The following AMZ1 variants were observed in gnomAD, a reference collection of about 807,000 sequenced individuals.
AMZ1 encodes the protein archaemetzincin-1.
In AMZ1, 39 loss-of-function variants were observed where a neutral mutation model predicts 29.9. The observed-to-expected ratio is 1.30, with a 90% CI of 1.01 to 1.70. The LOEUF (loss-of-function observed/expected upper bound fraction) is 1.70. Ranked by LOEUF, AMZ1 falls within the 40% of genes most tolerant of loss-of-function variation. The probability of loss-of-function intolerance (pLI) is 0.00; values close to 1 mark genes in which losing one functional copy is unlikely to be tolerated. For missense variants in AMZ1, 1,041 were observed against 680.6 expected, an observed-to-expected ratio of 1.53 and a Z score of -5.89; for synonymous variants, 458 against 304.0, an observed-to-expected ratio of 1.51 and a Z score of -5.27.
At chr7:2,748,064 C>T (rs1409648781) in intron 4 of AMZ1, among the ~76,000 whole-genome samples, 5 of 150,344 alleles carry the variant, frequency 3.3e-5, no homozygotes, top group African/African-American at 9.8e-5. Context: ...GAATCGATAT[C>T]ATGAAAATGG....
At chr7:2,762,685 C>A, upstream of AMZ1, 1 of 1,584,990 alleles carries the variant, frequency 6.3e-7, no homozygotes, top group South Asian at 1.2e-5. Context: ...GGAAAGAAAC[C>A]ACGCTGCCCG....
chr7:2,742,597 C>A (rs149847001), intron 4 of AMZ1, among the ~76,000 whole-genome samples: 66 of 152,240 alleles, frequency 4.3e-4, no homozygotes, highest in African/African-American at 1.5e-3. Context: ...TGAGTCTCGC[C>A]GGCCCTTTGC....
chr7:2,753,830 T>C (rs536431971), intron 4 of AMZ1, among the ~76,000 whole-genome samples: 5 of 152,322 alleles, frequency 3.3e-5, no homozygotes, highest in African/African-American at 1.2e-4. Context: ...TGGGATATCT[T>C]TTTCTTCTGG....
intron 4 of AMZ1, among the ~76,000 whole-genome samples, chr7:2,727,017 AT>A (rs993151542): frequency 1.3e-5 from 2 of 152,210 alleles, no homozygotes; most frequent in African/African-American, 4.8e-5. Flanking sequence ...GTTTAGGTGT[AT>A]ATGCTGCCAT....
chr7:2,711,288 C>T (rs542696158), intron 6 of AMZ1, among the ~76,000 whole-genome samples: 1 of 152,246 alleles, frequency 6.6e-6, no homozygotes, highest in South Asian at 2.1e-4. Flanking sequence ...GAGAGCTGAC[C>T]AAGGGCCTGG....
rs113789693 is a variant in AMZ1, at chr7:2,709,675, G to A, written c.807G>A (p.Leu269=). The A allele has an allele frequency of 7.3e-5, 117 of 1,610,634 alleles. 2 individuals are homozygous for A. The African/African-American group carries it at 1.2e-3, about 17-fold the overall frequency. Residue 269 remains leucine, a synonymous_variant, in exon 6 of 7, where the codon CTG becomes CTA. Transcript: ENST00000683327. ...TCHELCHLLG[L]GNCRWLRCLM... The stretch of plus-strand genomic sequence containing the variant: ...ACGAGCTCTGCCACCTTCTGGGCCT[G>A]GGGAACTGCCGCTGGCTCCGCTGCC...
Position 2,719,361 on chromosome 7 carries a change from A to G in AMZ1, c.*6483A>G, listed in dbSNP as rs1201954255. On this transcript the variant is annotated 3_prime_UTR_variant, in exon 7 of 7. Coordinates refer to ENST00000683327, the MANE Select transcript of AMZ1 (RefSeq NM_001384743.1). ...AGCAGGAGCAATGCCTAAAGAGGGC[A>G]AAGGCCCGCGCGCCTGGCAGAGCTC... Among the ~76,000 whole-genome samples, 1 of 152,222 alleles carries G rather than the reference A, an allele frequency of 6.6e-6. No homozygotes were observed. The highest frequency in any genetic ancestry group is 1.9e-4 in the East Asian group (1 of 5,180).
At chr7:2,752,981 C>T (rs998515876) in intron 4 of AMZ1, among the ~76,000 whole-genome samples, 5 of 152,192 alleles carry the variant, frequency 3.3e-5, no homozygotes, top group Non-Finnish European at 5.9e-5. Context: ...AACGGTCTCC[C>T]TCGTGCTACC....
chr7:2,756,832 T>G (rs922613499), intron 4 of AMZ1, among the ~76,000 whole-genome samples: 1 of 152,166 alleles, frequency 6.6e-6, no homozygotes, highest in Non-Finnish European at 1.5e-5. Context: ...GTATGGTGGC[T>G]CATGCCAAGG....
chr7:2,704,588 CT>C (rs60811216), intron 3 of AMZ1, among the ~76,000 whole-genome samples: 311 of 83,858 alleles, frequency 3.7e-3, no homozygotes, highest in Non-Finnish European at 4.7e-3. Context: ...CAGTGTCACG[CT>C]TTTTTTTTTT....
rs1473659919 is a variant in AMZ1, at chr7:2,712,705, A to T, written c.1324A>T (p.Met442Leu). Residue 442 changes from methionine to leucine, a missense_variant, in exon 7 of 7, where the codon ATG becomes TTG. Coordinates refer to ENST00000683327, the MANE Select transcript of AMZ1 (RefSeq NM_001384743.1). ...RAVDALDRWE[M>L]FTGQLPATRQ... is the part of the protein sequence containing the mutation. The stretch of plus-strand genomic sequence containing the variant: ...CGTGGACGCCCTCGACCGCTGGGAG[A>T]TGTTCACGGGCCAGCTCCCGGCCAC... 6.2e-7 allele frequency: 1 copy of T among 1,611,352 alleles called. No homozygotes were observed. The highest frequency in any genetic ancestry group is 8.5e-7 in the Non-Finnish European group (1 of 1,179,154).
chr7:2,701,178 C>G (rs1361086236), intron 2 of AMZ1, among the ~76,000 whole-genome samples: 2 of 151,982 alleles, frequency 1.3e-5, no homozygotes, highest in Non-Finnish European at 2.9e-5. Context: ...TTGCAGTGAG[C>G]TGAGATCATG....
intron 1 of AMZ1, among the ~76,000 whole-genome samples, chr7:2,695,121 T>A (rs1341749942): frequency 6.6e-6 from 1 of 152,224 alleles, no homozygotes; most frequent in African/African-American, 2.4e-5. Context: ...TTGCTCAGCC[T>A]CTGGCCCCGC....
rs1788960622 is a variant in AMZ1 at position 2,713,886 on chromosome 7, G to C, written c.*1008G>C. On this transcript the variant is annotated 3_prime_UTR_variant, in exon 7 of 7. Coordinates refer to ENST00000683327, the MANE Select transcript of AMZ1 (RefSeq NM_001384743.1). Reference sequence around the variant, plus strand: ...CCGCGCTGTCAGTACCAAGTAGCTGGAGGTGGTGATCAGATGATCTGTCTT... The same window carrying C: ...CCGCGCTGTCAGTACCAAGTAGCTGCAGGTGGTGATCAGATGATCTGTCTT... The C allele has an allele frequency of 6.6e-6, 1 of 152,234 alleles. No individual in the cohort carries two copies. Among genetic ancestry groups the C allele is most frequent in the African/African-American group, 2.4e-5 (1 of 41,446 alleles). 9.4% of individuals were successfully genotyped at this position (152,234 alleles called of 1,614,324 possible). A position where few individuals can be genotyped will look rare whatever the true frequency, so the allele number is the denominator to read the frequency against.
At chr7:2,688,856 C>T (rs991332190) in intron 1 of AMZ1, among the ~76,000 whole-genome samples, 1 of 152,188 alleles carries the variant, frequency 6.6e-6, no homozygotes, top group African/African-American at 2.4e-5. Context: ...TAAGACAGGT[C>T]TCAAAACCAG....
intron 1 of AMZ1, among the ~76,000 whole-genome samples, chr7:2,694,270 T>G (rs73047304): frequency 0.09 from 13,646 of 152,238 alleles, 856 homozygotes; most frequent in South Asian, 0.13. Flanking sequence ...GCCTCGCCGC[T>G]GGAGCTGGGA....
At chr7:2,742,015 AATTTTTTT>A (rs1200063603) in intron 4 of AMZ1, among the ~76,000 whole-genome samples, 4 of 151,592 alleles carry the variant, frequency 2.6e-5, no homozygotes, top group Admixed American at 6.6e-5. Context: ...GAAACACTTG[AATTTTTTT>A]ATTTTTTTAT....
chr7:2,724,672 A>G (rs76275591), downstream of AMZ1, among the ~76,000 whole-genome samples: 2,502 of 152,280 alleles, frequency 0.016, 71 homozygotes, highest in African/African-American at 0.057. Flanking sequence ...AAAGAAAACC[A>G]AAGGGAGAAA....
intron 2 of AMZ1, 97 bp downstream of exon 2, chr7:2,700,852 A>G: frequency 6.8e-7 from 1 of 1,470,088 alleles, no homozygotes; most frequent in Non-Finnish European, 9.2e-7. Context: ...GGCAGGACTG[A>G]AATGAGGGAA....
Sources: allele counts gnomAD v4.1 joint callset (sites outside exome capture counted in the v4.1 genomes callset), GRCh38; gene constraint gnomAD v4.1.1; transcripts MANE v1.5; gene names NCBI Gene and HGNC (gene_info 2026-07-23, HGNC 2026-07-21).